SPTBN5: variants seen among roughly 807,000 people sequenced by gnomAD.
The protein encoded by SPTBN5 is spectrin beta chain, non-erythrocytic 5.
Under a neutral mutation model 477.6 loss-of-function variants are expected in SPTBN5, and 513 were observed. The ratio of observed to expected loss-of-function variants is 1.07; its 90% CI spans 1.00 to 1.16. The LOEUF is 1.16. Ranked by LOEUF, SPTBN5 falls within the 50% of genes most tolerant of loss-of-function variation. The pLI is 0.00. For missense variants in SPTBN5, 5,062 were observed against 4,731.8 expected (o/e 1.07, Z -2.05); for synonymous variants, 2,169 against 2,011.7 (o/e 1.08, Z -2.09).
chr15:41,850,899 C>G lies in SPTBN5; in HGVS notation c.10876G>C (p.Glu3626Gln), dbSNP rs539690396. Residue 3626 changes from glutamate (E) to glutamine (Q), a missense_variant, in exon 66 of 68, where the codon GAA becomes CAA. By Grantham distance (29) the Glu-to-Gln change is conservative (BLOSUM62 2). Transcript: ENST00000320955. ...CGCCACCAGCTCTCAGCCTGCTCTT[C>G]GGACGGTGCTGCAAACAGGATCTCT... ...GAEILFAAPS[E>Q]EQAESWWRAL... is the part of the protein sequence containing the mutation. The G allele has an allele frequency of 6.2e-7, 1 of 1,604,246 alleles. No homozygotes were observed. The highest frequency in any genetic ancestry group is 1.3e-5 in the African/African-American group (1 of 74,812).
In SPTBN5 at chr15:41,869,894, G is replaced by A. The variant is rs777507216; in HGVS notation, c.5800C>T (p.Gln1934Ter). The A allele has an allele frequency of 1.9e-6, 3 of 1,555,490 alleles. No individual in the cohort carries two copies. Among genetic ancestry groups the A allele is most frequent in the Admixed American group, 1.9e-5 (1 of 52,460 alleles). Residue 1934 changes from glutamine to a stop codon, truncating the protein, a stop_gained, in exon 32 of 68, where the codon CAG (glutamine) becomes TAG (stop). Coordinates refer to ENST00000320955, the MANE Select transcript of SPTBN5 (RefSeq NM_016642.4). LOFTEE classifies it high-confidence loss of function. ...GCCCGCTCCAGCTGGGCCCTGCGCT[G>A]CTCCATGCGTCGCTGCAGCACTGCC... is the stretch of plus-strand genomic sequence containing the variant. ...AWAVLQRRMEQRRAQLERARL... is the reference protein window; with the variant it reads ...AWAVLQRRME
chr15:41,866,575 C>T (rs1262028827), intron 36 of SPTBN5, 82 bp from the exon 37 acceptor site: 1 of 1,408,302 alleles, frequency 7.1e-7, no homozygotes, highest in Non-Finnish European at 9.2e-7. Flanking sequence ...CAGCCATTCC[C>T]AGGAGGCTGG....
intron 63 of SPTBN5, among the ~76,000 whole-genome samples, 192 bp downstream of exon 63, chr15:41,851,587 G>GC (rs1291437182): frequency 9.3e-5 from 14 of 151,162 alleles, no homozygotes; most frequent in African/African-American, 2.9e-4. Flanking sequence ...CTCCTGGTGG[G>GC]GGTGGGTAGG....
rs1454113913 is a variant in SPTBN5, at chr15:41,885,848, C to T, written c.1407G>A (p.Leu469=). ...GCAGGATGCCAGCCTCCAGCATGCC[C>T]AGCCTCTGGACGGCTGCCTCCACTG... The part of the protein sequence containing the change: ...LATVEAAVQR[L]GMLEAGILPQ... Residue 469 remains leucine, a synonymous_variant, in exon 7 of 68, where the codon CTG becomes CTA. Coordinates refer to ENST00000320955, the MANE Select transcript of SPTBN5 (RefSeq NM_016642.4). 1 of 1,566,210 alleles carries T rather than the reference C, an allele frequency of 6.4e-7. No individual in the cohort carries two copies. Among genetic ancestry groups the T allele is most frequent in the African/African-American group, 1.4e-5 (1 of 73,784 alleles).
In SPTBN5 at chr15:41,877,170, A is replaced by G; in HGVS notation, c.3657T>C (p.Gly1219=). Reference sequence around the variant, plus strand: ...GGTGGTTGGCACAGGTGGCAGTGAAACCATCCACTTCTCGGCCAAACTTCT... The same window carrying G: ...GGTGGTTGGCACAGGTGGCAGTGAAGCCATCCACTTCTCGGCCAAACTTCT... ...ELQKFGREVD[G]FTATCANHQA... is the part of the protein sequence containing the mutation. Residue 1219 remains glycine, a synonymous_variant, in exon 18 of 68, where the codon GGT becomes GGC. Coordinates refer to ENST00000320955, the MANE Select transcript of SPTBN5 (RefSeq NM_016642.4). 1.2e-6 allele frequency: 2 copies of G among 1,613,876 alleles called. No individual in the cohort carries two copies. The highest frequency in any genetic ancestry group is 1.7e-6 in the Non-Finnish European group (2 of 1,179,870).
chr15:41,893,398 G>A lies in SPTBN5; in HGVS notation c.100C>T (p.Leu34Phe). The change falls in exon 2 of 68, where the codon CTC becomes TTC. Residue 34 changes from leucine (L) to phenylalanine (F), a missense_variant. Physicochemically the swap from Leu to Phe is conservative, Grantham distance 22 (BLOSUM62 0). Coordinates refer to ENST00000320955, the MANE Select transcript of SPTBN5 (RefSeq NM_016642.4). ...TELRVPPSPS[L>F]TMDSQYETGH... ...GTCTCGTACTGAGAGTCCATGGTGAGACTTGGACTGGGCGGGACCCGGAGT... is the reference window on the plus strand; with the variant it reads ...GTCTCGTACTGAGAGTCCATGGTGAAACTTGGACTGGGCGGGACCCGGAGT... The A allele has an allele frequency of 6.2e-7, 1 of 1,613,792 alleles. No homozygotes were observed. The highest frequency in any genetic ancestry group is 8.5e-7 in the Non-Finnish European group (1 of 1,179,896).
chr15:41,871,752 C>A, intron 28 of SPTBN5, 30 bp downstream of exon 28: 1 of 1,515,798 alleles, frequency 6.6e-7, no homozygotes, highest in Non-Finnish European at 8.9e-7. Context: ...TGCCTCAGGG[C>A]ACCCTCCTTG....
rs753515015 is a variant in SPTBN5, at chr15:41,853,610, C to T, written c.9952G>A (p.Ala3318Thr). The T allele has an allele frequency of 3.2e-6, 5 of 1,585,588 alleles. No homozygotes were observed. The Admixed American group carries it at 5.1e-5, about 16-fold the overall frequency. The change falls in exon 58 of 68, where the codon GCC (alanine) becomes ACC (threonine). Residue 3318 changes from alanine (A) to threonine (T), a missense_variant. By Grantham distance (58) the Ala-to-Thr change is moderately conservative. Transcript: ENST00000320955. Reference protein sequence around the residue: ...QWLAQAAQGHAFLGRCQELLA... With the variant: ...QWLAQAAQGHTFLGRCQELLA... ...AGTTCCTGGCAGCGCCCGAGGAAGG[C>T]ATGGCCCTGTGCAGCCTGCGCCAGC...
rs1172318430 is a variant in SPTBN5 at position 41,877,318 on chromosome 15, G to A, written c.3509C>T (p.Ala1170Val). 4.3e-6 allele frequency: 7 copies of A among 1,610,334 alleles called. No homozygotes were observed. The African/African-American group carries it at 6.7e-5, about 15-fold the overall frequency. ...QLDAQSQPMA[A>V]LDCPDSQEVP... ...CTCTTGGGAGTCTGGGCAGTCCAAG[G>A]CTGCCATGGGCTGGCTCTGAGCGTC... Residue 1170 changes from alanine (A) to valine (V), a missense_variant, in exon 18 of 68, where the codon GCC (alanine) becomes GTC (valine). By Grantham distance (64) the Ala-to-Val change is moderately conservative (BLOSUM62 0). Transcript: ENST00000320955.
Position 41,853,285 on chromosome 15 carries a change from C to T in SPTBN5, c.10143G>A (p.Val3381=), listed in dbSNP as rs1567182127. ...QDLRQEGQQL[V]DNSHFMSAEV... ...CCGCAGACATGAAGTGGCTGTTGTC[C>T]ACCAGCTGCTGTCCTTCCTGCCGCA... Residue 3381 remains valine, a synonymous_variant, in exon 59 of 68, where the codon GTG becomes GTA. Coordinates refer to ENST00000320955, the MANE Select transcript of SPTBN5 (RefSeq NM_016642.4). 3 of 1,610,152 alleles carry T rather than the reference C, an allele frequency of 1.9e-6. No individual in the cohort carries two copies. Among genetic ancestry groups the T allele is most frequent in the Admixed American group, 1.7e-5 (1 of 59,896 alleles).
chr15:41,867,113 C>T lies in SPTBN5; in HGVS notation c.6326G>A (p.Arg2109His), dbSNP rs751626171. Reference protein sequence around the residue: ...TAQDKKEAALRERLKTLRRPR... With the variant: ...TAQDKKEAALHERLKTLRRPR... Reference sequence around the variant, plus strand: ...GCGCCGGAGCGTCTTCAGCCGCTCACGCAGGGCTGCCTCCTGTGGGGCAGG... The same window carrying T: ...GCGCCGGAGCGTCTTCAGCCGCTCATGCAGGGCTGCCTCCTGTGGGGCAGG... The change falls in exon 36 of 68, where the codon CGT becomes CAT. Residue 2109 changes from arginine to histidine, a missense_variant. Physicochemically the swap from Arg to His is conservative, Grantham distance 29. Coordinates refer to ENST00000320955, the MANE Select transcript of SPTBN5 (RefSeq NM_016642.4). The T allele has an allele frequency of 4.1e-5, 63 of 1,535,962 alleles. No individual in the cohort carries two copies. Among genetic ancestry groups the T allele is most frequent in the African/African-American group, 3.4e-4 (25 of 72,918 alleles).
In SPTBN5 at chr15:41,873,544, C is replaced by G. The variant is rs376716549; in HGVS notation, c.4955G>C (p.Arg1652Pro). 2 of 1,552,160 alleles carry G rather than the reference C, an allele frequency of 1.3e-6. No individual in the cohort carries two copies. The highest frequency in any genetic ancestry group is 1.7e-6 in the Non-Finnish European group (2 of 1,147,236). Residue 1652 changes from arginine (R) to proline (P), a missense_variant, in exon 26 of 68, where the codon CGG (arginine) becomes CCG (proline). By Grantham distance (103) the Arg-to-Pro change is moderately radical (BLOSUM62 -2). Transcript: ENST00000320955. ...GGCTGCCTCGTCTCTGCCATAGTCC[C>G]GACTGCTCACCAGCGGCCGCTTCTC... ...VEEKRPLVSS[R>P]DYGRDEAATL...
intron 67 of SPTBN5, among the ~76,000 whole-genome samples, chr15:41,848,946 T>C (rs1254872321): frequency 1.3e-5 from 2 of 152,180 alleles, no homozygotes; most frequent in African/African-American, 4.8e-5. Flanking sequence ...ACAAGGCCTG[T>C]CCCGTCAGCA....
In SPTBN5 at chr15:41,882,752, G is replaced by A; in HGVS notation, c.1893-14C>T. On this transcript the variant is annotated splice_polypyrimidine_tract_variant and intron_variant, in intron 9 of 67. Transcript: ENST00000320955. Reference sequence around the variant, plus strand: ...AGCAGGGCCCGCCTGAGGGACAATAGGGGCCACCGAAGGACATGGGGAGTC... The same window carrying A: ...AGCAGGGCCCGCCTGAGGGACAATAAGGGCCACCGAAGGACATGGGGAGTC... The A allele has an allele frequency of 1.2e-6, 2 of 1,605,216 alleles. No homozygotes were observed. Among genetic ancestry groups the A allele is most frequent in the South Asian group, 2.2e-5 (2 of 90,098 alleles).
At chr15:41,868,317 C>T (rs1171698278) in intron 33 of SPTBN5, 81 bp downstream of exon 33, 2 of 1,561,130 alleles carry the variant, frequency 1.3e-6, no homozygotes, top group Non-Finnish European at 1.7e-6. Context: ...GCCAGCATGG[C>T]ACAGTAGGAC....
At chr15:41,868,646 G>T in intron 32 of SPTBN5, 45 bp from the exon 33 acceptor site, 1 of 1,574,948 alleles carries the variant, frequency 6.3e-7, no homozygotes, top group South Asian at 1.1e-5. Flanking sequence ...GGGCTGGGCT[G>T]GGCAGCAGGA....
At chr15:41,850,108 C>T (rs879483138) in intron 66 of SPTBN5, 149 bp from the exon 67 acceptor site, 46 of 675,522 alleles carry the variant, frequency 6.8e-5, no homozygotes, top group South Asian at 2.2e-4. Context: ...GGGTGTGGGG[C>T]GGGCTGAGCA....
chr15:41,853,437 G>C lies in SPTBN5; in HGVS notation c.9991C>G (p.Gln3331Glu), dbSNP rs1411673023. The change falls in exon 59 of 68, where the codon CAG becomes GAG. Residue 3331 changes from glutamine to glutamate, a missense_variant. By Grantham distance (29) the Gln-to-Glu change is conservative (BLOSUM62 2). Coordinates refer to ENST00000320955, the MANE Select transcript of SPTBN5 (RefSeq NM_016642.4). ...GAGGACGCCAGCTCCTGCCTCTCCT[G>C]TGCCCATGCTCTGTGGGGCAGGGAA... ...GRCQELLAWA[Q>E]ERQELASSEE... is the part of the protein sequence containing the mutation. The C allele has an allele frequency of 6.3e-7, 1 of 1,582,748 alleles. No homozygotes were observed. The highest frequency in any genetic ancestry group is 2.3e-5 in the East Asian group (1 of 43,796).
intron 48 of SPTBN5, 33 bp downstream of exon 48, chr15:41,858,857 C>A (rs1175868227): frequency 6.4e-7 from 1 of 1,550,570 alleles, no homozygotes; most frequent in African/African-American, 1.4e-5. Flanking sequence ...TCCTTCCCCA[C>A]CATGACCGCC....
Sources: allele counts gnomAD v4.1 joint callset (sites outside exome capture counted in the v4.1 genomes callset), GRCh38; gene constraint gnomAD v4.1.1; transcripts MANE v1.5; gene names NCBI Gene and HGNC (gene_info 2026-07-23, HGNC 2026-07-21).